The following GUCY1A2 variants were observed in gnomAD, a reference collection of about 807,000 sequenced individuals.
GUCY1A2 encodes guanylate cyclase soluble subunit alpha-2.
In GUCY1A2, 27 loss-of-function variants were observed where a neutral mutation model predicts 63.5. The ratio of observed to expected loss-of-function variants is 0.43; its 90% CI spans 0.31 to 0.59. The LOEUF (loss-of-function observed/expected upper bound fraction) is 0.59, where lower values mean the gene tolerates loss of function less well. Ranked by LOEUF, GUCY1A2 falls within the 20% of genes least tolerant of loss-of-function variation. GUCY1A2 has a pLI of 0.11. For synonymous variants in GUCY1A2, 364 were observed against 343.5 expected, an observed-to-expected ratio of 1.06 and a Z score of -0.66; for missense variants, 768 against 913.3, an observed-to-expected ratio of 0.84 and a Z score of 2.05.
intron 6 of GUCY1A2, among the ~76,000 whole-genome samples, chr11:106,762,243 T>A (rs569360253): frequency 1.2e-4 from 18 of 152,094 alleles, no homozygotes; most frequent in African/African-American, 4.1e-4. Flanking sequence ...CTTATTTATA[T>A]GTGAGGTAAA....
Position 106,744,955 on chromosome 11 carries a change from T to TA in GUCY1A2, c.1836+31483dup, listed in dbSNP as rs200906979. Among the ~76,000 whole-genome samples, 160 of 152,172 alleles carry TA rather than the reference T, an allele frequency of 1.1e-3. 3 individuals carry two copies. The East Asian group carries it at 0.024, about 23-fold the overall frequency. Reference sequence around the variant, plus strand: ...CTGCCTCATCAAATATTTTGAATTTTAAAAAAAATCTTGTGAGTGTAAACT... The same window carrying TA: ...CTGCCTCATCAAATATTTTGAATTTTAAAAAAAAATCTTGTGAGTGTAAACT... On this transcript the variant is annotated intron_variant, in intron 6 of 7. Coordinates refer to ENST00000526355, the MANE Select transcript of GUCY1A2 (RefSeq NM_000855.3).
chr11:107,008,593 T>C (rs957264630), intron 1 of GUCY1A2, among the ~76,000 whole-genome samples: 6 of 152,188 alleles, frequency 3.9e-5, no homozygotes, highest in African/African-American at 1.4e-4. Context: ...CAAACATTTA[T>C]TGAGTGCCTT....
At chr11:106,780,766 T>A (rs1433093166) in intron 5 of GUCY1A2, among the ~76,000 whole-genome samples, 1 of 152,144 alleles carries the variant, frequency 6.6e-6, no homozygotes, top group East Asian at 1.9e-4. Flanking sequence ...GTTTAAGTAA[T>A]TGGCATATAC....
At chr11:106,722,679 A>C (rs1350310651) in intron 6 of GUCY1A2, among the ~76,000 whole-genome samples, 1 of 152,072 alleles carries the variant, frequency 6.6e-6, no homozygotes, top group East Asian at 1.9e-4. Flanking sequence ...CCAGTCATCG[A>C]TCCCATTCAA....
intron 7 of GUCY1A2, among the ~76,000 whole-genome samples, chr11:106,694,076 C>A (rs1235767062): frequency 6.6e-6 from 1 of 152,116 alleles, no homozygotes; most frequent in Non-Finnish European, 1.5e-5. Flanking sequence ...CTGACCATTT[C>A]ATTAGGGTTC....
chr11:106,746,636 C>T (rs962714849), intron 6 of GUCY1A2: 6 of 1,589,002 alleles, frequency 3.8e-6, no homozygotes, highest in Non-Finnish European at 5.1e-6. Flanking sequence ...GAGTTCACTC[C>T]TCTGGGGCTT....
At chr11:106,734,985 T>A (rs1424625122) in intron 6 of GUCY1A2, among the ~76,000 whole-genome samples, 1 of 152,132 alleles carries the variant, frequency 6.6e-6, no homozygotes, top group Non-Finnish European at 1.5e-5. Context: ...TTTTAATTTT[T>A]ATTTTTTTAA....
At chr11:106,778,051 T>C (rs1279632920) in intron 5 of GUCY1A2, among the ~76,000 whole-genome samples, 2 of 152,134 alleles carry the variant, frequency 1.3e-5, no homozygotes, top group Admixed American at 6.5e-5. Context: ...TTCCAAAGCA[T>C]AGAACATGGA....
At chr11:107,016,662 T>C (rs1422916297) in intron 1 of GUCY1A2, among the ~76,000 whole-genome samples, 1 of 152,088 alleles carries the variant, frequency 6.6e-6, no homozygotes, top group Non-Finnish European at 1.5e-5. Context: ...GAGAAAGCAC[T>C]AGAGAATCAA....
At chr11:106,733,862 T>C (rs565739980) in intron 6 of GUCY1A2, among the ~76,000 whole-genome samples, 1 of 152,240 alleles carries the variant, frequency 6.6e-6, no homozygotes, top group South Asian at 2.1e-4. Flanking sequence ...GAATCTCTCT[T>C]AGAAATATTA....
chr11:106,787,415 G>GTTT (rs58710396), intron 5 of GUCY1A2, among the ~76,000 whole-genome samples: 3,422 of 135,904 alleles, frequency 0.025, 63 homozygotes, highest in Middle Eastern at 0.052. Flanking sequence ...GCCTTACTTT[G>GTTT]TTTTTTTTTT....
At chr11:106,868,537 T>C (rs1413143833) in intron 4 of GUCY1A2, among the ~76,000 whole-genome samples, 4 of 152,014 alleles carry the variant, frequency 2.6e-5, no homozygotes, top group Non-Finnish European at 5.9e-5. Flanking sequence ...TACCTAGGAA[T>C]CCAACTTACA....
chr11:106,850,231 T>A (rs1256762666), intron 4 of GUCY1A2, among the ~76,000 whole-genome samples: 2 of 151,806 alleles, frequency 1.3e-5, no homozygotes, highest in Non-Finnish European at 3.0e-5. Context: ...TGATATTTAA[T>A]AATTGTATAC....
intron 5 of GUCY1A2, among the ~76,000 whole-genome samples, chr11:106,788,681 C>A (rs1441240088): frequency 6.6e-6 from 1 of 152,118 alleles, no homozygotes; most frequent in Non-Finnish European, 1.5e-5. Context: ...AATGTATGTT[C>A]TTGGCACCTT....
intron 4 of GUCY1A2, among the ~76,000 whole-genome samples, chr11:106,915,593 T>C (rs7118277): frequency 0.034 from 4,923 of 146,416 alleles, 465 homozygotes; most frequent in African/African-American, 0.11. Flanking sequence ...AGGTAAAAAG[T>C]TTATTCAAGA....
At position 106,712,659 on chromosome 11, in the gene GUCY1A2, GTTCCT is replaced by G. The variant is rs993254392; in HGVS notation, c.1837-3998_1837-3994del. Among the ~76,000 whole-genome samples, 47 of 152,188 alleles carry G rather than the reference GTTCCT, an allele frequency of 3.1e-4. 1 individual carries two copies. Among genetic ancestry groups the G allele is most frequent in the African/African-American group, 8.2e-4 (34 of 41,528 alleles). ...CAGTTTAATGACTTGGAAAAAATTT[GTTCCT>G]TTCAAGTCTTGCTTTTAAGATTTGT... On this transcript the variant is annotated intron_variant, in intron 6 of 7. Coordinates refer to ENST00000526355, the MANE Select transcript of GUCY1A2 (RefSeq NM_000855.3).
At chr11:106,899,717 T>G (rs554650957) in intron 4 of GUCY1A2, among the ~76,000 whole-genome samples, 1 of 152,174 alleles carries the variant, frequency 6.6e-6, no homozygotes, top group Non-Finnish European at 1.5e-5. Context: ...AGAAAAAGAA[T>G]CCTATGCCAA....
chr11:106,937,944 A>AT (rs974224804), intron 4 of GUCY1A2, among the ~76,000 whole-genome samples: 62 of 150,458 alleles, frequency 4.1e-4, no homozygotes, highest in African/African-American at 1.2e-3. Flanking sequence ...TTCTCAAATA[A>AT]TTTTTTTTTT....
At chr11:106,869,850 C>A (rs1232386159) in intron 4 of GUCY1A2, among the ~76,000 whole-genome samples, 2 of 152,064 alleles carry the variant, frequency 1.3e-5, no homozygotes, top group African/African-American at 2.4e-5. Flanking sequence ...AGACTTGGAA[C>A]CAACCCAAAT....
Sources: allele counts gnomAD v4.1 joint callset (sites outside exome capture counted in the v4.1 genomes callset), GRCh38; gene constraint gnomAD v4.1.1; transcripts MANE v1.5; gene names NCBI Gene and HGNC (gene_info 2026-07-23, HGNC 2026-07-21).